The following NOC3L variants were observed in gnomAD, a reference collection of about 807,000 sequenced individuals.
The protein encoded by NOC3L is nucleolar complex protein 3 homolog.
NOC3L carries 85 observed loss-of-function variants against 102.5 expected under a neutral mutation model. The ratio of observed to expected loss-of-function variants is 0.83; its 90% CI spans 0.70 to 0.99. The LOEUF (loss-of-function observed/expected upper bound fraction) is 0.99. Among genes scored for constraint, NOC3L ranks in the 50% least tolerant of loss-of-function variants. The pLI, the probability that NOC3L is intolerant of heterozygous loss-of-function variation, is 0.00. For missense variants in NOC3L, 878 were observed against 914.9 expected (o/e 0.96, Z 0.52); for synonymous variants, 303 against 309.4 (o/e 0.98, Z 0.22).
At position 94,349,255 on chromosome 10, in the gene NOC3L, G is replaced by C. The variant is rs1158053327; in HGVS notation, c.1252C>G (p.Pro418Ala). Residue 418 changes from proline (P) to alanine (A), a missense_variant, in exon 10 of 21, where the codon CCA becomes GCA. Coordinates refer to ENST00000371361, the MANE Select transcript of NOC3L (RefSeq NM_022451.11). Reference sequence around the variant, plus strand: ...GTAAAAAAAAAAAGGCTCACCTCTGGCCTAACTTCGTAATTTCTGCCCTTC... The same window carrying C: ...GTAAAAAAAAAAAGGCTCACCTCTGCCCTAACTTCGTAATTTCTGCCCTTC... Reference protein sequence around the residue: ...FVKGRNYEVRPEMLKTFLCLR... With the variant: ...FVKGRNYEVRAEMLKTFLCLR... 1 of 1,567,088 alleles carries C rather than the reference G, an allele frequency of 6.4e-7. No homozygotes were observed.
downstream of NOC3L, chr10:94,331,869 CT>C (rs36054579): frequency 0.31 from 36,648 of 119,082 alleles, 4,366 homozygotes; most frequent in Admixed American, 0.39. Flanking sequence ...CCAAGTTATT[CT>C]TTTTTTTTTT....
rs1180090625 is a variant in NOC3L, at chr10:94,358,189, C to T, written c.244G>A (p.Glu82Lys). 4 of 1,570,882 alleles carry T rather than the reference C, an allele frequency of 2.5e-6. No individual in the cohort carries two copies. The highest frequency in any genetic ancestry group is 2.2e-5 in the South Asian group (2 of 90,390). Residue 82 changes from glutamate (E) to lysine (K), a missense_variant, in exon 3 of 21, where the codon GAA becomes AAA. Physicochemically the swap from Glu to Lys is moderately conservative, Grantham distance 56. Coordinates refer to ENST00000371361, the MANE Select transcript of NOC3L (RefSeq NM_022451.11). ...TCTAAAGGAAGGGCTTCTTCTTCTTCCTCTTCTTCCCTCTCAATCCTTTTA... is the reference window on the plus strand; with the variant it reads ...TCTAAAGGAAGGGCTTCTTCTTCTTTCTCTTCTTCCCTCTCAATCCTTTTA... ...PGKRIEREEE[E>K]EEEALPLDMM...
chr10:94,340,294 G>C lies in NOC3L; in HGVS notation c.1762C>G (p.Leu588Val), dbSNP rs749127788. 6 of 1,611,526 alleles carry C rather than the reference G, an allele frequency of 3.7e-6. No homozygotes were observed. In the African/African-American group the frequency reaches 6.7e-5, roughly 18 times the overall value. The change falls in exon 16 of 21, where the codon CTG becomes GTG. Residue 588 changes from leucine to valine, a missense_variant. Physicochemically the swap from Leu to Val is conservative, Grantham distance 32. Coordinates refer to ENST00000371361, the MANE Select transcript of NOC3L (RefSeq NM_022451.11). ...LKFYTHLYKTLFKLHAGATNE... is the reference protein window; with the variant it reads ...LKFYTHLYKTVFKLHAGATNE... Reference sequence around the variant, plus strand: ...TACATACCTGCATGTAATTTGAACAGTGTTTTGTAGAGATGTGTGTAGAAT... The same window carrying C: ...TACATACCTGCATGTAATTTGAACACTGTTTTGTAGAGATGTGTGTAGAAT...
At chr10:94,321,214 C>T in the NOC3L span, among the ~76,000 whole-genome samples, 5,312 of 152,318 alleles carry the variant, frequency 0.035, 146 homozygotes, top group South Asian at 0.063. Flanking sequence ...AAATGCTCAA[C>T]GTCTGTGGAA....
At chr10:94,327,817 T>C in the NOC3L span, 3 of 234,390 alleles carry the variant, frequency 1.3e-5, no homozygotes, top group African/African-American at 2.3e-5. Context: ...AAACATCATG[T>C]TCTAACATTG....
At chr10:94,350,800 A>G (rs1589573545) in intron 8 of NOC3L, among the ~76,000 whole-genome samples, 1 of 151,994 alleles carries the variant, frequency 6.6e-6, no homozygotes, top group South Asian at 2.1e-4. Context: ...GGAGGCTACT[A>G]ACTGCCACAT....
chr10:94,358,309 A>G lies in NOC3L; in HGVS notation c.218-94T>C, dbSNP rs1429609431. The G allele has an allele frequency of 8.2e-6, 6 of 735,576 alleles. No individual in the cohort carries two copies. In the African/African-American group the frequency reaches 1.1e-4, roughly 13 times the overall value. 45.6% of individuals were successfully genotyped at this position (735,576 alleles called of 1,614,324 possible). A position where few individuals can be genotyped will look rare whatever the true frequency, so the allele number is the denominator to read the frequency against. ...TTTTGGGTTTAAACAGGAAAAGCTT[A>G]CGCTTTCTGAAGCAATCCTCCCACT... is the stretch of plus-strand genomic sequence containing the variant. On this transcript the variant is annotated intron_variant, in intron 2 of 20. Transcript: ENST00000371361.
chr10:94,343,627 A>G (rs945404898), intron 13 of NOC3L, among the ~76,000 whole-genome samples: 10 of 152,226 alleles, frequency 6.6e-5, no homozygotes, highest in Admixed American at 5.9e-4. Flanking sequence ...CAACAATGGT[A>G]GCCACTAGCC....
chr10:94,315,455 T>A, the NOC3L span: 4 of 456,106 alleles, frequency 8.8e-6, no homozygotes, highest in South Asian at 4.6e-5. Context: ...ATTCAGCCTT[T>A]TGTAGTAACC....
At chr10:94,329,776 C>CAAAGAA (rs2054134978), downstream of NOC3L, 1 of 37,942 alleles carries the variant, frequency 2.6e-5, no homozygotes, top group Non-Finnish European at 4.6e-5. Flanking sequence ...GACTCCGTCT[C>CAAAGAA]AAAAAAAAAA....
chr10:94,348,252 AAAAATT>A (rs1460445463), intron 10 of NOC3L, among the ~76,000 whole-genome samples: 3 of 151,348 alleles, frequency 2.0e-5, no homozygotes, highest in Non-Finnish European at 4.4e-5. Context: ...ATTTAAATAT[AAAAATT>A]AAAATTAAAA....
downstream of NOC3L, chr10:94,332,480 A>C (rs570307258): frequency 6.6e-6 from 1 of 150,528 alleles, no homozygotes; most frequent in East Asian, 2.0e-4. Context: ...CTGTAGCTTA[A>C]TATAGCCTCA....
At chr10:94,327,960 C>T in the NOC3L span, 2 of 532,386 alleles carry the variant, frequency 3.8e-6, no homozygotes, top group Admixed American at 1.9e-5. Flanking sequence ...CTGTATACAA[C>T]ATTACAGGTG....
the NOC3L span, chr10:94,324,717 G>A: frequency 4.1e-6 from 4 of 982,676 alleles, no homozygotes; most frequent in Non-Finnish European, 4.7e-6. Flanking sequence ...TGTTTTCACT[G>A]TGTGAAAAAA....
the NOC3L span, among the ~76,000 whole-genome samples, chr10:94,316,199 C>G: frequency 6.6e-6 from 1 of 152,290 alleles, no homozygotes; most frequent in African/African-American, 2.4e-5. Context: ...TTAGTAAATA[C>G]TAAACTAGGT....
intron 1 of NOC3L, 84 bp downstream of exon 1, chr10:94,362,745 AC>A: frequency 1.4e-6 from 2 of 1,473,890 alleles, no homozygotes; most frequent in Non-Finnish European, 1.9e-6. Flanking sequence ...ACGGGTGAAA[AC>A]CTGCCTAAAA....
chr10:94,327,295 A>G, the NOC3L span, among the ~76,000 whole-genome samples: 1 of 151,380 alleles, frequency 6.6e-6, no homozygotes, highest in East Asian at 2.0e-4. Context: ...CTCATAAGAA[A>G]AGAAGTTTAG....
chr10:94,360,498 G>C (rs1436960200), intron 2 of NOC3L, among the ~76,000 whole-genome samples: 1 of 152,066 alleles, frequency 6.6e-6, no homozygotes, highest in Non-Finnish European at 1.5e-5. Flanking sequence ...CTTATTTGTG[G>C]TAGCTAAAAA....
intron 18 of NOC3L, among the ~76,000 whole-genome samples, chr10:94,338,192 C>T (rs1226803402): frequency 2.0e-5 from 3 of 152,188 alleles, no homozygotes. Context: ...CTATTTTCTA[C>T]AAGTCTCACT....
Sources: allele counts gnomAD v4.1 joint callset (sites outside exome capture counted in the v4.1 genomes callset), GRCh38; gene constraint gnomAD v4.1.1; transcripts MANE v1.5; gene names NCBI Gene and HGNC (gene_info 2026-07-23, HGNC 2026-07-21).